PHF12: variants seen among roughly 807,000 people sequenced by gnomAD.
PHF12 encodes PHD factor 1.
PHF12 carries 6 observed loss-of-function variants against 99.8 expected under a neutral mutation model. That is an observed-to-expected ratio of 0.06 (90% confidence interval 0.03 to 0.12). The LOEUF (loss-of-function observed/expected upper bound fraction) is 0.12. Among genes scored for constraint, PHF12 ranks in the 10% least tolerant of loss-of-function variants. The pLI is 1.00. For synonymous variants in PHF12, 480 were observed against 514.9 expected (o/e 0.93, Z 0.92); for missense variants, 954 against 1,300.1 (o/e 0.73, Z 4.09).
At chr17:28,932,219 C>G (rs1336081385) in intron 2 of PHF12, among the ~76,000 whole-genome samples, 1 of 152,066 alleles carries the variant, frequency 6.6e-6, no homozygotes, top group African/African-American at 2.4e-5. Flanking sequence ...GAAGCCTTGA[C>G]CCCCTAGGCT....
intron 2 of PHF12, among the ~76,000 whole-genome samples, chr17:28,948,184 A>G (rs1311129069): frequency 6.6e-6 from 1 of 152,258 alleles, no homozygotes; most frequent in Admixed American, 6.5e-5. Context: ...CATGCATGTC[A>G]GCAATCATGG....
rs1272275044 is a variant in PHF12 at position 28,950,225 on chromosome 17, G to C, written c.88C>G (p.Pro30Ala). The C allele has an allele frequency of 1.9e-6, 3 of 1,610,288 alleles. No individual in the cohort carries two copies. Among genetic ancestry groups the C allele is most frequent in the East Asian group, 2.2e-5 (1 of 44,854 alleles). ...LMEQIQALLA[P>A]PKTDEAEKRS... ...TTTTCTGCCTCGTCCGTCTTGGGGGGAGCCAGCAGAGCTTGGATTTGCTGC... is the reference window on the plus strand; with the variant it reads ...TTTTCTGCCTCGTCCGTCTTGGGGGCAGCCAGCAGAGCTTGGATTTGCTGC... The change falls in exon 2 of 15, where the codon CCC becomes GCC. Residue 30 changes from proline to alanine, a missense_variant. Transcript: ENST00000332830. This position sits in a 1 kb window ranked among gnomAD's most constrained non-coding sequence, Gnocchi z 5.7.
rs764123816 is a variant in PHF12 at position 28,905,264 on chromosome 17, G to T, written c.*919C>A. On this transcript the variant is annotated 3_prime_UTR_variant, in exon 15 of 15. Coordinates refer to ENST00000332830, the MANE Select transcript of PHF12 (RefSeq NM_001033561.2). ...TCAGAAAACAATTTGAAGTATTTTT[G>T]TTTTTTATATACAGAATACAGGAAA... 2.0e-5 allele frequency: 3 copies of T among 152,508 alleles called. No homozygotes were observed. The highest frequency in any genetic ancestry group is 4.4e-5 in the Non-Finnish European group (3 of 68,018). The allele number at this position is 152,508 out of a possible 1,614,324, so 9.4% of individuals were successfully genotyped here.
rs1337501745 is a variant in PHF12 at position 28,913,247 on chromosome 17, T to C, written c.1324A>G (p.Ser442Gly). 5 of 1,613,386 alleles carry C rather than the reference T, an allele frequency of 3.1e-6. No homozygotes were observed. The East Asian group carries it at 1.1e-4, about 36-fold the overall frequency. ...WLCSVVALQC[S>G]ILKHLSAKQM... is the part of the protein sequence containing the mutation. ...TTAGCAGATAAATGTTTCAATATGCTGCACTGGAGCGCAACAACACTACAG... is the reference window on the plus strand; with the variant it reads ...TTAGCAGATAAATGTTTCAATATGCCGCACTGGAGCGCAACAACACTACAG... Residue 442 changes from serine to glycine, a missense_variant, in exon 9 of 15, where the codon AGC (serine) becomes GGC (glycine). Physicochemically the swap from Ser to Gly is moderately conservative, Grantham distance 56 (BLOSUM62 0). This residue lies in a region of PHF12 where 392 missense variants were observed against 423.1 expected (regional missense o/e 0.93). Coordinates refer to ENST00000332830, the MANE Select transcript of PHF12 (RefSeq NM_001033561.2).
intron 2 of PHF12, among the ~76,000 whole-genome samples, chr17:28,930,840 G>A (rs1279063928): frequency 6.6e-6 from 1 of 152,192 alleles, no homozygotes; most frequent in Admixed American, 6.5e-5. Context: ...TGAGGCCGAG[G>A]TGGGTGGATT....
intron 2 of PHF12, among the ~76,000 whole-genome samples, chr17:28,934,865 T>C (rs987350284): frequency 2.0e-5 from 3 of 152,232 alleles, no homozygotes; most frequent in African/African-American, 7.2e-5. Flanking sequence ...CCTTCCAAAG[T>C]GCTGAGATTA....
At chr17:28,924,652 A>G (rs2040233998) in intron 3 of PHF12, 1 of 340,674 alleles carries the variant, frequency 2.9e-6, no homozygotes, top group Non-Finnish European at 5.6e-6. Context: ...TAGTGAGACC[A>G]ATAGTAAAAA....
At chr17:28,941,010 G>T (rs530916923) in intron 2 of PHF12, among the ~76,000 whole-genome samples, 61 of 151,846 alleles carry the variant, frequency 4.0e-4, no homozygotes, top group African/African-American at 1.3e-3. Flanking sequence ...TAAGTCAAAG[G>T]AGGAGCCCAG....
chr17:28,950,316 G>T lies in PHF12; in HGVS notation c.67-70C>A. The stretch of plus-strand genomic sequence containing the variant: ...GGGCGGTCCGTCGCCCCCCCGGCGC[G>T]GTTTCTCCGTCACCCACCCCTCTCC... On this transcript the variant is annotated intron_variant, in intron 1 of 14. Transcript: ENST00000332830. The surrounding 1 kb of genome is among the most constrained non-coding windows in gnomAD (Gnocchi z 5.7). 1.3e-6 allele frequency: 2 copies of T among 1,493,192 alleles called. No homozygotes were observed. Among genetic ancestry groups the T allele is most frequent in the Non-Finnish European group, 1.8e-6 (2 of 1,112,358 alleles). 92.5% of individuals were successfully genotyped at this position (1,493,192 alleles called of 1,614,324 possible).
intron 7 of PHF12, among the ~76,000 whole-genome samples, chr17:28,914,250 C>A (rs1054294130): frequency 6.6e-6 from 1 of 152,152 alleles, no homozygotes; most frequent in African/African-American, 2.4e-5. Flanking sequence ...AACACAGAAA[C>A]CACTGCGTTC....
At position 28,950,264 on chromosome 17, in the gene PHF12, C is replaced by G; in HGVS notation, c.67-18G>C. The G allele has an allele frequency of 1.9e-6, 3 of 1,600,490 alleles. No individual in the cohort carries two copies. Among genetic ancestry groups the G allele is most frequent in the Non-Finnish European group, 2.5e-6 (3 of 1,177,094 alleles). ...TGGATTTGCTGCACACACATACAAA[C>G]GGCGTGTGTGCACACTCGGAGCTCC... On this transcript the variant is annotated intron_variant, in intron 1 of 14. Coordinates refer to ENST00000332830, the MANE Select transcript of PHF12 (RefSeq NM_001033561.2). This position sits in a 1 kb window ranked among gnomAD's most constrained non-coding sequence, Gnocchi z 5.7.
At chr17:28,921,456 CGTG>C (rs1567957891) in intron 5 of PHF12, among the ~76,000 whole-genome samples, 4 of 152,186 alleles carry the variant, frequency 2.6e-5, no homozygotes, top group Admixed American at 2.0e-4. Context: ...CATAAGCCAC[CGTG>C]CTCGGCCTCA....
chr17:28,925,976 C>G (rs931716647), intron 3 of PHF12: 3 of 152,202 alleles, frequency 2.0e-5, no homozygotes, highest in African/African-American at 7.2e-5. Context: ...AGGCCCTGCT[C>G]TAACCTAATT....
intron 3 of PHF12, 71 bp downstream of exon 3, chr17:28,926,920 C>G: frequency 6.2e-7 from 1 of 1,607,610 alleles, no homozygotes; most frequent in South Asian, 1.1e-5. Flanking sequence ...AGGGCTAGGC[C>G]GTCTTAGCTC....
At chr17:28,919,611 G>A (rs2040124697) in intron 5 of PHF12, among the ~76,000 whole-genome samples, 1 of 152,156 alleles carries the variant, frequency 6.6e-6, no homozygotes, top group African/African-American at 2.4e-5. Context: ...GTGGTGGTGG[G>A]CACCTGTAAT....
chr17:28,913,731 G>T, intron 8 of PHF12, 148 bp downstream of exon 8: 1 of 1,177,574 alleles, frequency 8.5e-7, no homozygotes, highest in Non-Finnish European at 1.2e-6. Flanking sequence ...TGAGCCAGAA[G>T]TTCCCCCTGG....
chr17:28,943,491 G>A (rs574674101), intron 2 of PHF12, among the ~76,000 whole-genome samples: 10 of 152,174 alleles, frequency 6.6e-5, no homozygotes, highest in Non-Finnish European at 1.2e-4. Flanking sequence ...TTAGTCGGGC[G>A]TGGTGGCGGA....
intron 2 of PHF12, among the ~76,000 whole-genome samples, chr17:28,940,772 A>T (rs764005681): frequency 6.6e-6 from 1 of 152,214 alleles, no homozygotes; most frequent in Non-Finnish European, 1.5e-5. Flanking sequence ...TGACCTGTGC[A>T]TGCGTCCTGG....
Position 28,907,427 on chromosome 17 carries a change from A to AT in PHF12, c.2541+162dup, listed in dbSNP as rs1036325618. The AT allele has an allele frequency of 2.4e-5, 16 of 663,832 alleles. No homozygotes were observed. The African/African-American group carries it at 2.9e-4, about 12-fold the overall frequency. The allele number at this position is 663,832 out of a possible 1,614,324, so 41.1% of individuals were successfully genotyped here. A position where few individuals can be genotyped will look rare whatever the true frequency, so the allele number is the denominator to read the frequency against. ...CAGGTAGCTTCCCAGGTAGGATGCTATTTCACATCAAGACTCTCCTCCTCC... is the reference window on the plus strand; with the variant it reads ...CAGGTAGCTTCCCAGGTAGGATGCTATTTTCACATCAAGACTCTCCTCCTCC... On this transcript the variant is annotated intron_variant, in intron 13 of 14. Transcript: ENST00000332830.
Sources: gnomAD v4.1 joint callset for allele counts (sites outside exome capture counted in the v4.1 genomes callset) on GRCh38, gnomAD v4.1.1 for gene constraint, gnomAD v4.1.1 regional missense constraint, Gnocchi (gnomAD v3.1) non-coding constraint, MANE v1.5 for transcripts, NCBI Gene and HGNC (gene_info 2026-07-23, HGNC 2026-07-21) for gene names.